SLC35F4: variants seen among roughly 807,000 people sequenced by gnomAD.
SLC35F4 encodes solute carrier family 35 member F4.
SLC35F4 carries 24 observed loss-of-function variants against 44.2 expected under a neutral mutation model. The observed-to-expected ratio is 0.54, with a 90% confidence interval of 0.39 to 0.76. The LOEUF is 0.76. Ranked by LOEUF, SLC35F4 falls within the 30% of genes least tolerant of loss-of-function variation. SLC35F4 has a pLI of 0.00. For missense variants in SLC35F4, 562 were observed against 586.1 expected (o/e 0.96, Z 0.42); for synonymous variants, 238 against 223.6 (o/e 1.06, Z -0.57).
At chr14:57,928,927 C>T (rs140864323) in intron 1 of SLC35F4, among the ~76,000 whole-genome samples, 1,856 of 152,108 alleles carry the variant, frequency 0.012, 20 homozygotes, top group Middle Eastern at 0.058. Flanking sequence ...ATGGTTTCAA[C>T]AGAGGAAAAG....
At chr14:57,652,723 C>T (rs2140206682) in intron 1 of SLC35F4, among the ~76,000 whole-genome samples, 1 of 152,158 alleles carries the variant, frequency 6.6e-6, no homozygotes, top group South Asian at 2.1e-4. Flanking sequence ...ATAGTAACCC[C>T]CACACAAAGA....
At chr14:57,573,217 A>T (rs2068603216) in intron 4 of SLC35F4, among the ~76,000 whole-genome samples, 1 of 152,234 alleles carries the variant, frequency 6.6e-6, no homozygotes, top group Non-Finnish European at 1.5e-5. Context: ...ATTACATAGA[A>T]TTCAGACGCT....
At chr14:57,842,681 A>G (rs1464556445) in intron 1 of SLC35F4, among the ~76,000 whole-genome samples, 1 of 152,078 alleles carries the variant, frequency 6.6e-6, no homozygotes, top group Non-Finnish European at 1.5e-5. Flanking sequence ...GCCGGCTACT[A>G]CCAGCTCAAA....
chr14:57,827,955 G>A (rs1013127038), intron 1 of SLC35F4, among the ~76,000 whole-genome samples: 2 of 152,132 alleles, frequency 1.3e-5, no homozygotes, highest in African/African-American at 4.8e-5. Context: ...CATTTGTTTT[G>A]GTCATGAAGG....
At chr14:57,937,314 T>A (rs960482300) in intron 1 of SLC35F4, among the ~76,000 whole-genome samples, 2 of 152,056 alleles carry the variant, frequency 1.3e-5, no homozygotes, top group Admixed American at 1.3e-4. Flanking sequence ...GTGATCCACC[T>A]GCCTCAGCCT....
At chr14:57,729,394 A>G (rs1594901681) in intron 1 of SLC35F4, among the ~76,000 whole-genome samples, 1 of 152,340 alleles carries the variant, frequency 6.6e-6, no homozygotes, top group African/African-American at 2.4e-5. Flanking sequence ...GGCCTGTGGC[A>G]TACTCCTCGG....
intron 1 of SLC35F4, among the ~76,000 whole-genome samples, chr14:57,784,013 CT>C (rs1389014526): frequency 6.6e-6 from 1 of 152,136 alleles, no homozygotes; most frequent in Non-Finnish European, 1.5e-5. Context: ...AAAAAACTGT[CT>C]GATGTTTTGT....
chr14:57,602,771 G>A (rs970958800), intron 1 of SLC35F4, among the ~76,000 whole-genome samples: 1 of 152,018 alleles, frequency 6.6e-6, no homozygotes, highest in African/African-American at 2.4e-5. Flanking sequence ...GAAGTGGTTG[G>A]GATCAAGACA....
At chr14:57,589,096 T>C (rs531513829) in intron 3 of SLC35F4, 120 bp downstream of exon 3, 2 of 1,084,286 alleles carry the variant, frequency 1.8e-6, no homozygotes. Context: ...TCTCCAACCT[T>C]AGATCTTGTT....
At chr14:57,772,487 T>C (rs1240896435) in intron 1 of SLC35F4, among the ~76,000 whole-genome samples, 2 of 152,208 alleles carry the variant, frequency 1.3e-5, no homozygotes, top group Admixed American at 6.5e-5. Flanking sequence ...TAGTGAACAT[T>C]GTACCTAATA....
intron 1 of SLC35F4, among the ~76,000 whole-genome samples, chr14:57,872,217 C>T (rs1365004900): frequency 1.3e-5 from 2 of 152,152 alleles, no homozygotes; most frequent in Non-Finnish European, 2.9e-5. Flanking sequence ...TATTAATCTG[C>T]AGGAAATATA....
intron 1 of SLC35F4, among the ~76,000 whole-genome samples, chr14:57,852,116 A>G (rs1886632859): frequency 6.6e-6 from 1 of 152,208 alleles, no homozygotes; most frequent in Non-Finnish European, 1.5e-5. Flanking sequence ...AAAGCATTAA[A>G]CAGTTACAAA....
At chr14:57,699,589 T>C (rs983248773) in intron 1 of SLC35F4, among the ~76,000 whole-genome samples, 3 of 152,176 alleles carry the variant, frequency 2.0e-5, no homozygotes, top group Non-Finnish European at 2.9e-5. Context: ...AGATTTTCCA[T>C]AGGATAAATT....
chr14:57,900,666 A>G (rs190219537), intron 1 of SLC35F4, among the ~76,000 whole-genome samples: 1 of 152,328 alleles, frequency 6.6e-6, no homozygotes, highest in East Asian at 1.9e-4. Context: ...CAACAAAAGC[A>G]AAAATTGACA....
chr14:57,590,429 T>A (rs991741882), intron 2 of SLC35F4, among the ~76,000 whole-genome samples: 47 of 151,544 alleles, frequency 3.1e-4, no homozygotes, highest in African/African-American at 1.1e-3. Context: ...TTAAAAGTAA[T>A]GTGTCCCAAG....
At chr14:57,772,458 A>G (rs186699306) in intron 1 of SLC35F4, among the ~76,000 whole-genome samples, 2 of 152,010 alleles carry the variant, frequency 1.3e-5, no homozygotes, top group Admixed American at 1.3e-4. Context: ...TTGGGCTTCT[A>G]GTGTATTTAC....
At chr14:57,821,358 G>A (rs962587882) in intron 1 of SLC35F4, among the ~76,000 whole-genome samples, 33 of 152,208 alleles carry the variant, frequency 2.2e-4, no homozygotes, top group Non-Finnish European at 4.4e-4. Flanking sequence ...AATGATTACA[G>A]CTTCATGTAG....
At chr14:57,675,062 A>T (rs2074645650) in intron 1 of SLC35F4, among the ~76,000 whole-genome samples, 2 of 152,102 alleles carry the variant, frequency 1.3e-5, no homozygotes, top group African/African-American at 4.8e-5. Flanking sequence ...TTCCACTTAC[A>T]TAAAATTCTA....
chr14:57,710,774 T>C (rs773343757), intron 1 of SLC35F4, among the ~76,000 whole-genome samples: 2 of 152,118 alleles, frequency 1.3e-5, no homozygotes, highest in Non-Finnish European at 2.9e-5. Context: ...CCCTTAGTTT[T>C]GGCCAACTTC....
Sources: allele counts gnomAD v4.1 joint callset (sites outside exome capture counted in the v4.1 genomes callset), GRCh38; gene constraint gnomAD v4.1.1; transcripts MANE v1.5; gene names NCBI Gene and HGNC (gene_info 2026-07-23, HGNC 2026-07-21).